VPS33B: variants seen among roughly 807,000 people sequenced by gnomAD.
VPS33B encodes the protein vacuolar protein sorting-associated protein 33B.
A neutral mutation model predicts 95.3 loss-of-function variants in VPS33B; 80 were observed. That is an observed-to-expected ratio of 0.84 (90% CI 0.70 to 1.01). The LOEUF (loss-of-function observed/expected upper bound fraction) is 1.01, where lower values mean the gene tolerates loss of function less well. Ranked by LOEUF, VPS33B falls within the 50% of genes least tolerant of loss-of-function variation. VPS33B has a pLI of 0.00. For synonymous variants in VPS33B, 280 were observed against 280.4 expected, an observed-to-expected ratio of 1.00 and a Z score of 0.01; for missense variants, 715 against 773.4, an observed-to-expected ratio of 0.92 and a Z score of 0.90.
In VPS33B at chr15:91,013,505, C is replaced by T. The variant is rs2040837290; in HGVS notation, c.357+299G>A. Among the ~76,000 whole-genome samples, 1 of 152,140 alleles carries T rather than the reference C, an allele frequency of 6.6e-6. No individual in the cohort carries two copies. The highest frequency in any genetic ancestry group is 1.5e-5 in the Non-Finnish European group (1 of 68,020). ...ATGTCCTTATGGCAGGAGTGGGTTG[C>T]TATAAGGCGAGTCCAGCCCCTGGGT... On this transcript the variant is annotated intron_variant, in intron 5 of 22. Coordinates refer to ENST00000333371, the MANE Select transcript of VPS33B (RefSeq NM_018668.5). This position sits in a 1 kb window ranked among gnomAD's most constrained non-coding sequence, Gnocchi z 4.5.
At chr15:91,001,144 T>C (rs1168229952) in intron 19 of VPS33B, 2 of 418,460 alleles carry the variant, frequency 4.8e-6, no homozygotes, top group African/African-American at 2.1e-5. Flanking sequence ...GGGGAAACCT[T>C]GTCTCTACTA....
In VPS33B at chr15:91,013,375, A is replaced by G. The variant is rs1187089093; in HGVS notation, c.357+429T>C. ...TGCTATGGTTTGAATGTGTCTCCCAAAAGTTCATCTGTTGGAAACTGAATC... is the reference window on the plus strand; with the variant it reads ...TGCTATGGTTTGAATGTGTCTCCCAGAAGTTCATCTGTTGGAAACTGAATC... On this transcript the variant is annotated intron_variant, in intron 5 of 22. Coordinates refer to ENST00000333371, the MANE Select transcript of VPS33B (RefSeq NM_018668.5). The surrounding 1 kb of genome is among the most constrained non-coding windows in gnomAD (Gnocchi z 4.5). Among the ~76,000 whole-genome samples the G allele has an allele frequency of 6.6e-6, 1 of 152,212 alleles. No homozygotes were observed. The highest frequency in any genetic ancestry group is 1.5e-5 in the Non-Finnish European group (1 of 68,032).
chr15:90,998,706 A>T lies in VPS33B; in HGVS notation c.*269T>A. 3.8e-6 allele frequency: 2 copies of T among 532,524 alleles called. No individual in the cohort carries two copies. Among genetic ancestry groups the T allele is most frequent in the Non-Finnish European group, 6.8e-6 (2 of 294,116 alleles). 33.0% of individuals were successfully genotyped at this position (532,524 alleles called of 1,614,324 possible). ...GAGAGCAGAGGCTTTATTTACAATG[A>T]CATTCAAACAGGATTTAGCAAAGGA... On this transcript the variant is annotated 3_prime_UTR_variant, in exon 23 of 23. Coordinates refer to ENST00000333371, the MANE Select transcript of VPS33B (RefSeq NM_018668.5). This position sits in a 1 kb window ranked among gnomAD's most constrained non-coding sequence, Gnocchi z 4.8.
chr15:91,009,784 C>G lies in VPS33B; in HGVS notation c.403+17G>C, dbSNP rs747396995. 16 of 1,614,026 alleles carry G rather than the reference C, an allele frequency of 9.9e-6. No individual in the cohort carries two copies. Among genetic ancestry groups the G allele is most frequent in the Non-Finnish European group, 1.3e-5 (15 of 1,179,992 alleles). On this transcript the variant is annotated intron_variant, in intron 6 of 22. Transcript: ENST00000333371. The surrounding 1 kb of genome is among the most constrained non-coding windows in gnomAD (Gnocchi z 4.1). The stretch of plus-strand genomic sequence containing the variant: ...TATGTTCTCTTTCCCTTTCCACTCA[C>G]ATTCATCTCCTCTCACCTCCATAGA...
Position 91,006,870 on chromosome 15 carries a change from T to G in VPS33B, c.700+80A>C. On this transcript the variant is annotated intron_variant, in intron 9 of 22. Coordinates refer to ENST00000333371, the MANE Select transcript of VPS33B (RefSeq NM_018668.5). The surrounding 1 kb of genome is among the most constrained non-coding windows in gnomAD (Gnocchi z 5.4). The stretch of plus-strand genomic sequence containing the variant: ...GGGATTCACAGCCCTAACTTTAGGA[T>G]TTTAACTTTGCCACCACGCCTTCCA... 6 of 1,604,406 alleles carry G rather than the reference T, an allele frequency of 3.7e-6. No homozygotes were observed. In the South Asian group the frequency reaches 6.6e-5, roughly 18 times the overall value.
At position 91,006,598 on chromosome 15, in the gene VPS33B, C is replaced by T. The variant is rs1252072999; in HGVS notation, c.778+54G>A. The T allele has an allele frequency of 6.2e-7, 1 of 1,612,688 alleles. No homozygotes were observed. Among genetic ancestry groups the T allele is most frequent in the East Asian group, 2.2e-5 (1 of 44,880 alleles). Reference sequence around the variant, plus strand: ...CAAACCCTGCCCCACGTGGGAGGTGCCAAGGCTGATGACCCGTCCATCTTG... The same window carrying T: ...CAAACCCTGCCCCACGTGGGAGGTGTCAAGGCTGATGACCCGTCCATCTTG... On this transcript the variant is annotated intron_variant, in intron 10 of 22. Transcript: ENST00000333371. The surrounding 1 kb of genome is among the most constrained non-coding windows in gnomAD (Gnocchi z 5.4).
At chr15:91,016,380 T>C (rs138754599) in intron 3 of VPS33B, among the ~76,000 whole-genome samples, 1,406 of 131,384 alleles carry the variant, frequency 0.011, 9 homozygotes, top group Non-Finnish European at 0.018. Context: ...TTCTTCTTTT[T>C]TTTTTTTTTT....
chr15:91,012,093 G>A (rs2040800243), intron 5 of VPS33B, among the ~76,000 whole-genome samples: 1 of 151,226 alleles, frequency 6.6e-6, no homozygotes, highest in African/African-American at 2.4e-5. Flanking sequence ...AGGTTTGTAA[G>A]AGTCCAAGAA....
chr15:91,014,248 G>T, intron 4 of VPS33B, 136 bp downstream of exon 4: 2 of 852,750 alleles, frequency 2.3e-6, no homozygotes, highest in Non-Finnish European at 3.8e-6. Context: ...AAAAAGAAGC[G>T]GGGAAGCAGA....
At chr15:91,021,817 C>A (rs2041110399) in intron 1 of VPS33B, among the ~76,000 whole-genome samples, 1 of 152,238 alleles carries the variant, frequency 6.6e-6, no homozygotes, top group African/African-American at 2.4e-5. Context: ...TCATTTACCA[C>A]CTGTGTGTGA....
chr15:91,015,017 A>G lies in VPS33B; in HGVS notation c.240-584T>C. Among the ~76,000 whole-genome samples, 1 of 151,546 alleles carries G rather than the reference A, an allele frequency of 6.6e-6. No homozygotes were observed. The highest frequency in any genetic ancestry group is 1.9e-4 in the East Asian group (1 of 5,178). On this transcript the variant is annotated intron_variant, in intron 3 of 22. Coordinates refer to ENST00000333371, the MANE Select transcript of VPS33B (RefSeq NM_018668.5). The surrounding 1 kb of genome is among the most constrained non-coding windows in gnomAD (Gnocchi z 4.7). ...GGAGTTTGAGACCAGCCCAGCCAAC[A>G]TGGTGAAACCCCGTCTCTACTAAAA...
chr15:91,021,708 G>A (rs990507112), intron 1 of VPS33B, among the ~76,000 whole-genome samples: 70 of 152,252 alleles, frequency 4.6e-4, no homozygotes, highest in African/African-American at 1.4e-3. Context: ...AAGAAAATAT[G>A]CTTATTACTC....
rs763559003 is a variant in VPS33B, at chr15:91,013,706, C to T, written c.357+98G>A. The T allele has an allele frequency of 3.4e-5, 44 of 1,293,848 alleles. No individual in the cohort carries two copies. In the Admixed American group the frequency reaches 5.6e-4, roughly 16 times the overall value. 80.1% of individuals were successfully genotyped at this position (1,293,848 alleles called of 1,614,324 possible). A position where few individuals can be genotyped will look rare whatever the true frequency, so the allele number is the denominator to read the frequency against. ...GGTATTCTGTTACAGCAACAGAAAA[C>T]GAACGGAGACAGGGAGGTAGTGCTG... On this transcript the variant is annotated intron_variant, in intron 5 of 22. Transcript: ENST00000333371. The surrounding 1 kb of genome is among the most constrained non-coding windows in gnomAD (Gnocchi z 4.5).
At position 91,007,933 on chromosome 15, in the gene VPS33B, CA is replaced by C; in HGVS notation, c.434del (p.Leu145CysfsTer9). 1.2e-6 allele frequency: 2 copies of C among 1,614,174 alleles called. No homozygotes were observed. The highest frequency in any genetic ancestry group is 1.6e-4 in the Middle Eastern group (1 of 6,062). Reference protein sequence around the residue: ...DVSCDEWAFSLLPLDVDLLSM... With the variant: ...DVSCDEWAFSXLPLDVDLLSM... Reference sequence around the variant, plus strand: ...TCAGCAGATCCACATCAAGAGGCAGCAAAGAGAAGGCCCATTCATCACAGCT... The same window carrying C: ...TCAGCAGATCCACATCAAGAGGCAGCAAGAGAAGGCCCATTCATCACAGCT... On this transcript the variant is annotated frameshift_variant, in exon 7 of 23. Transcript: ENST00000333371. LOFTEE classifies it high-confidence loss of function. The surrounding 1 kb of genome is among the most constrained non-coding windows in gnomAD (Gnocchi z 5.3).
At chr15:91,014,219 CAAAAAAA>C (rs61232231) in intron 4 of VPS33B, among the ~76,000 whole-genome samples, 158 bp downstream of exon 4, 1 of 59,624 alleles carries the variant, frequency 1.7e-5, no homozygotes, top group Non-Finnish European at 3.6e-5. Flanking sequence ...AACTCCGTCT[CAAAAAAA>C]AAAAAAAAAA....
At chr15:91,019,370 C>T (rs959503676) in intron 1 of VPS33B, among the ~76,000 whole-genome samples, 2 of 152,156 alleles carry the variant, frequency 1.3e-5, no homozygotes, top group Admixed American at 1.3e-4. Context: ...ATCCACCTGC[C>T]TCAGCCTCCC....
Position 91,005,124 on chromosome 15 carries a change from G to A in VPS33B, c.1106-5C>T, listed in dbSNP as rs768678243. ...TGTTGAACCCCTCTAGCAGTGCTGT[G>A]AGTAATCAGAGGAGAGCCTGTTACT... is the stretch of plus-strand genomic sequence containing the variant. On this transcript the variant is annotated splice_polypyrimidine_tract_variant and splice_region_variant and intron_variant, in intron 14 of 22. Transcript: ENST00000333371. The surrounding 1 kb of genome is among the most constrained non-coding windows in gnomAD (Gnocchi z 6.4). 9.3e-6 allele frequency: 15 copies of A among 1,614,170 alleles called. No homozygotes were observed. Among genetic ancestry groups the A allele is most frequent in the Non-Finnish European group, 1.2e-5 (14 of 1,180,046 alleles).
In VPS33B at chr15:91,011,508, T is replaced by A. The variant is rs2040777735; in HGVS notation, c.358-1662A>T. ...GAGCCAGGTCTGAAAACTGCCAATC[T>A]TCATAATTAACAAAGGAGTCTCAAA... On this transcript the variant is annotated intron_variant, in intron 5 of 22. Transcript: ENST00000333371. The surrounding 1 kb of genome is among the most constrained non-coding windows in gnomAD (Gnocchi z 5.5). Among the ~76,000 whole-genome samples the A allele has an allele frequency of 1.3e-5, 2 of 152,232 alleles. No individual in the cohort carries two copies. The highest frequency in any genetic ancestry group is 2.9e-5 in the Non-Finnish European group (2 of 68,032).
At chr15:91,014,822 C>G (rs577540236) in intron 3 of VPS33B, among the ~76,000 whole-genome samples, 2 of 152,286 alleles carry the variant, frequency 1.3e-5, no homozygotes, top group East Asian at 3.8e-4. Context: ...CATGGTGGCT[C>G]ACACCTGTAA....
Sources: gnomAD v4.1 joint callset for allele counts (sites outside exome capture counted in the v4.1 genomes callset) on GRCh38, gnomAD v4.1.1 for gene constraint, Gnocchi (gnomAD v3.1) non-coding constraint, MANE v1.5 for transcripts, NCBI Gene and HGNC (gene_info 2026-07-23, HGNC 2026-07-21) for gene names.